Variants in ZNF536 observed in about 807,000 individuals in gnomAD.
ZNF536 encodes the protein zinc finger protein 536.
A neutral mutation model predicts 84.5 loss-of-function variants in ZNF536; 13 were observed. The observed-to-expected ratio is 0.15, with a 90% confidence interval of 0.10 to 0.24. The LOEUF (loss-of-function observed/expected upper bound fraction) is 0.24. Ranked by LOEUF, ZNF536 falls within the 10% of genes least tolerant of loss-of-function variation. The pLI, the probability that ZNF536 is intolerant of heterozygous loss-of-function variation, is 1.00. For missense variants in ZNF536, 1,536 were observed against 1,747.5 expected, an observed-to-expected ratio of 0.88 and a Z score of 2.16; for synonymous variants, 811 against 742.5, an observed-to-expected ratio of 1.09 and a Z score of -1.50.
intron 1 of ZNF536, among the ~76,000 whole-genome samples, chr19:30,583,494 T>G (rs1231694734): frequency 6.6e-6 from 1 of 152,062 alleles, no homozygotes; most frequent in African/African-American, 2.4e-5. Flanking sequence ...CTGGAATGGG[T>G]GTGCTTTTGG....
At chr19:30,604,998 G>A (rs2047818063) in intron 1 of ZNF536, among the ~76,000 whole-genome samples, 1 of 152,120 alleles carries the variant, frequency 6.6e-6, no homozygotes, top group Non-Finnish European at 1.5e-5. Flanking sequence ...CACACTGCTG[G>A]AACCTTGTAT....
chr19:30,428,987 G>T (rs2051332098), intron 1 of ZNF536, among the ~76,000 whole-genome samples: 1 of 152,142 alleles, frequency 6.6e-6, no homozygotes, highest in Admixed American at 6.5e-5. Context: ...CCGCTTCCTT[G>T]TCTAACACAT....
At chr19:30,509,416 CATATT>C (rs1465883834) in intron 2 of ZNF536, among the ~76,000 whole-genome samples, 5 of 145,792 alleles carry the variant, frequency 3.4e-5, no homozygotes, top group East Asian at 2.0e-4. Context: ...ATATGTATAA[CATATT>C]ATAATATATA....
chr19:30,289,128 G>A (rs1409049240), intron 2 of ZNF536, among the ~76,000 whole-genome samples: 1 of 152,120 alleles, frequency 6.6e-6, no homozygotes, highest in Non-Finnish European at 1.5e-5. Context: ...AACGCATTCT[G>A]AGATGGATGC....
At chr19:30,357,420 C>T (rs939049157) in intron 3 of ZNF536, among the ~76,000 whole-genome samples, 2 of 152,026 alleles carry the variant, frequency 1.3e-5, no homozygotes, top group African/African-American at 2.4e-5. Context: ...GGTGGAGGGC[C>T]TTTATCAGGC....
At chr19:30,266,546 TA>T (rs2025524355) in intron 1 of ZNF536, among the ~76,000 whole-genome samples, 1 of 152,184 alleles carries the variant, frequency 6.6e-6, no homozygotes, top group Non-Finnish European at 1.5e-5. Context: ...TGTCTTTCCC[TA>T]AAAATATTTA....
chr19:30,321,049 C>T (rs1600211328), intron 2 of ZNF536, among the ~76,000 whole-genome samples: 1 of 152,192 alleles, frequency 6.6e-6, no homozygotes, highest in East Asian at 1.9e-4. Context: ...GTCCCTTGGG[C>T]GTGGGGCCCC....
chr19:30,353,350 T>TA (rs199976985), intron 3 of ZNF536, among the ~76,000 whole-genome samples: 1,850 of 152,040 alleles, frequency 0.012, 18 homozygotes, highest in Non-Finnish European at 0.017. Context: ...AGGAGAAAAA[T>TA]ATCTGCAGCG....
chr19:30,411,413 C>T (rs1239206103), intron 1 of ZNF536, among the ~76,000 whole-genome samples: 1 of 151,982 alleles, frequency 6.6e-6, no homozygotes, highest in African/African-American at 2.4e-5. Flanking sequence ...TTTATTTATA[C>T]AACTTTATAT....
intron 1 of ZNF536, among the ~76,000 whole-genome samples, chr19:30,384,128 CTTTCTTTCTT>C (rs1568378097): frequency 1.5e-5 from 1 of 66,876 alleles, no homozygotes; most frequent in African/African-American, 6.1e-5. Context: ...TTCTTTCTTT[CTTTCTTTCTT>C]TCTTTCTTTC....
intron 2 of ZNF536, among the ~76,000 whole-genome samples, chr19:30,321,383 C>T (rs908491159): frequency 2.0e-5 from 3 of 152,044 alleles, no homozygotes; most frequent in Non-Finnish European, 4.4e-5. Context: ...ACGTTGAAAC[C>T]CCGTCTCTAC....
At chr19:30,683,862 C>T (rs1021541014) in intron 1 of ZNF536, among the ~76,000 whole-genome samples, 24 of 152,226 alleles carry the variant, frequency 1.6e-4, no homozygotes, top group African/African-American at 5.8e-4. Context: ...GCTCAACTCA[C>T]ATTTCTTGTC....
At position 30,549,305 on chromosome 19, in the gene ZNF536, C is replaced by T. The variant is rs371124100; in HGVS notation, c.3686C>T (p.Pro1229Leu). 6.4e-5 allele frequency: 103 copies of T among 1,612,684 alleles called. No homozygotes were observed. Among genetic ancestry groups the T allele is most frequent in the Admixed American group, 1.3e-4 (8 of 59,994 alleles). ...CTGGTCTCACCTTTATCCCAAGCAC[C>T]GGAGAAGCAGTGGCACAGCCAGGGT... is the stretch of plus-strand genomic sequence containing the variant. ...QGLVSPLSQAPEKQWHSQGLL... is the reference protein window; with the variant it reads ...QGLVSPLSQALEKQWHSQGLL... The change falls in exon 4 of 5, where the codon CCG becomes CTG. Residue 1229 changes from proline to leucine, a missense_variant. Pro to Leu is a moderately conservative substitution (Grantham distance 98, BLOSUM62 -3). Transcript: ENST00000355537.
chr19:30,348,415 G>A lies in ZNF536; in HGVS notation c.-119-3953G>A, dbSNP rs138633839. On this transcript the variant is annotated intron_variant, in intron 2 of 5. Transcript: ENST00000585628. ...GAGGTGCAGGCTAAACTCATCCACC[G>A]TGACTGTAGAATTCAAATGTCCCTT... Among the ~76,000 whole-genome samples, 28 of 152,246 alleles carry A rather than the reference G, an allele frequency of 1.8e-4. 1 individual carries two copies. Among genetic ancestry groups the A allele is most frequent in the African/African-American group, 5.8e-4 (24 of 41,540 alleles).
At chr19:30,244,913 A>C (rs2144942374) in intron 1 of ZNF536, among the ~76,000 whole-genome samples, 1 of 152,338 alleles carries the variant, frequency 6.6e-6, no homozygotes, top group South Asian at 2.1e-4. Flanking sequence ...AACAGGCTGA[A>C]GCTAGAATTG....
At chr19:30,501,430 T>G (rs530624348) in intron 2 of ZNF536, among the ~76,000 whole-genome samples, 1 of 152,348 alleles carries the variant, frequency 6.6e-6, no homozygotes, top group Non-Finnish European at 1.5e-5. Flanking sequence ...TGGAAAATGT[T>G]GGCTGTTAAG....
chr19:30,358,871 C>T (rs2048179633), intron 3 of ZNF536, among the ~76,000 whole-genome samples: 1 of 152,324 alleles, frequency 6.6e-6, no homozygotes, highest in East Asian at 1.9e-4. Context: ...GGACTCTGCT[C>T]CTGAATGTGT....
intron 1 of ZNF536, among the ~76,000 whole-genome samples, chr19:30,401,304 G>A (rs936564667): frequency 6.6e-6 from 1 of 151,920 alleles, no homozygotes; most frequent in Admixed American, 6.6e-5. Flanking sequence ...GGAATTCCTG[G>A]GCTCCAGCTA....
intron 2 of ZNF536, among the ~76,000 whole-genome samples, chr19:30,325,107 C>T (rs900322792): frequency 3.7e-4 from 57 of 152,318 alleles, no homozygotes; most frequent in African/African-American, 1.3e-3. Flanking sequence ...CTTCCTCATG[C>T]CCAGGGAGGA....
Sources: allele counts gnomAD v4.1 joint callset (sites outside exome capture counted in the v4.1 genomes callset), GRCh38; gene constraint gnomAD v4.1.1; transcripts MANE v1.5; gene names NCBI Gene and HGNC (gene_info 2026-07-23, HGNC 2026-07-21).